NOTCH2NLA: variants seen among roughly 807,000 people sequenced by gnomAD.
NOTCH2NLA encodes the protein notch 2 N-terminal like A.
rs2691708 is a variant in NOTCH2NLA at position 146,186,857 on chromosome 1, A to C, written c.38+2443T>G. Among the ~76,000 whole-genome samples the C allele has an allele frequency of 9.0e-4, 122 of 134,860 alleles. 9 individuals carry two copies. Among genetic ancestry groups the C allele is most frequent in the Admixed American group, 3.5e-3 (45 of 12,900 alleles). 88.5% of individuals were successfully genotyped at this position (134,860 alleles called of 152,430 possible). On this transcript the variant is annotated intron_variant, in intron 2 of 4. Transcript: ENST00000362074. ...ACCACCCTGAATGCTATGTGAAATAAATAAATTTTTTTTTAATTTTGCTTT... is the reference window on the plus strand; with the variant it reads ...ACCACCCTGAATGCTATGTGAAATACATAAATTTTTTTTTAATTTTGCTTT...
intron 3 of NOTCH2NLA, among the ~76,000 whole-genome samples, chr1:146,158,198 G>A (rs1479475996): frequency 2.6e-5 from 4 of 151,010 alleles, no homozygotes; most frequent in Non-Finnish European, 4.4e-5. Flanking sequence ...TAAGTTCTAG[G>A]GTACACGTGC....
intron 2 of NOTCH2NLA, among the ~76,000 whole-genome samples, chr1:146,176,527 ATT>A (rs1662263435): frequency 8.1e-6 from 1 of 124,038 alleles, no homozygotes. Flanking sequence ...GAATTCTTAG[ATT>A]TTGACAGTAT....
intron 1 of NOTCH2NLA, among the ~76,000 whole-genome samples, chr1:146,207,825 T>C (rs113408603): frequency 1.2e-5 from 1 of 84,776 alleles, no homozygotes; most frequent in Admixed American, 1.1e-4. Context: ...CTTTTTTTTT[T>C]TTTTTTTTTT....
rs1350387855 is a variant in NOTCH2NLA at position 146,185,540 on chromosome 1, A to C, written c.38+3760T>G. 1.5e-5 allele frequency among the ~76,000 whole-genome samples: 2 copies of C among 136,906 alleles called. 1 individual carries two copies. The highest frequency in any genetic ancestry group is 1.5e-4 in the Admixed American group (2 of 13,206). 89.8% of individuals were successfully genotyped at this position (136,906 alleles called of 152,430 possible). ...TAGGCTCCTAACACTGAGAAAAAAC[A>C]GTTGAGCTGAGTACAAAACTAATCT... On this transcript the variant is annotated intron_variant, in intron 2 of 4. Transcript: ENST00000362074.
chr1:146,186,355 TC>T (rs1390230250), intron 2 of NOTCH2NLA, among the ~76,000 whole-genome samples: 1 of 72,552 alleles, frequency 1.4e-5, no homozygotes, highest in East Asian at 3.3e-4. Flanking sequence ...AGCTCCATTT[TC>T]TTTTTTTTTT....
rs3863710 is a variant in NOTCH2NLA at position 146,229,003 on chromosome 1, C to A, written c.-339G>T. 8.7e-4 allele frequency: 1,199 copies of A among 1,373,754 alleles called. No individual in the cohort carries two copies. The Admixed American group carries it at 0.028, about 32-fold the overall frequency. 85.1% of individuals were successfully genotyped at this position (1,373,754 alleles called of 1,614,324 possible). A position where few individuals can be genotyped will look rare whatever the true frequency, so the allele number is the denominator to read the frequency against. ...GCCTCAGCCGCCGCCCGAAGTTTGG[C>A]TGAAACTTTCTCGGGTGTGCAGCGA... On this transcript the variant is annotated 5_prime_UTR_variant, in exon 1 of 5. Transcript: ENST00000362074.
At chr1:146,174,617 GCTC>G (rs1358382390) in intron 2 of NOTCH2NLA, among the ~76,000 whole-genome samples, 1 of 141,942 alleles carries the variant, frequency 7.0e-6, no homozygotes, top group African/African-American at 2.5e-5. Flanking sequence ...CACTGCAGCT[GCTC>G]CTCATTAAAG....
intron 2 of NOTCH2NLA, among the ~76,000 whole-genome samples, chr1:146,180,358 TA>T (rs1366993314): frequency 7.0e-6 from 1 of 142,334 alleles, no homozygotes; most frequent in African/African-American, 2.5e-5. Flanking sequence ...ATGTCTTTCT[TA>T]GTCTTTATTT....
intron 1 of NOTCH2NLA, among the ~76,000 whole-genome samples, chr1:146,211,747 T>TAA (rs1663821589): frequency 7.0e-6 from 1 of 142,956 alleles, no homozygotes; most frequent in African/African-American, 2.5e-5. Context: ...ATCAGAAAAT[T>TAA]AAAAACGCCT....
intron 2 of NOTCH2NLA, among the ~76,000 whole-genome samples, chr1:146,183,530 GA>G (rs1380221747): frequency 1.1e-4 from 13 of 119,310 alleles, no homozygotes; most frequent in Non-Finnish European, 2.1e-4. Context: ...TCATTTTCCA[GA>G]AAAACTATAC....
intron 3 of NOTCH2NLA, among the ~76,000 whole-genome samples, chr1:146,159,472 A>T (rs1661379623): frequency 6.6e-6 from 1 of 151,606 alleles, no homozygotes; most frequent in Non-Finnish European, 1.5e-5. Flanking sequence ...AAAGGAAGGG[A>T]GAAAGAAAGA....
chr1:146,159,966 C>CAAAAAAAAAA lies in NOTCH2NLA; in HGVS notation c.299-3161_299-3152dup, dbSNP rs782308523. ...TGGATGACAAAGCAATACTCCATCT[C>CAAAAAAAAAA]AAAAAAAAAAAAAAAAAAAAAAAAA... On this transcript the variant is annotated intron_variant, in intron 3 of 4. Transcript: ENST00000362074. 2.4e-3 allele frequency among the ~76,000 whole-genome samples: 18 copies of CAAAAAAAAAA among 7,436 alleles called. 4 individuals carry two copies. The highest frequency in any genetic ancestry group is 0.013 in the Admixed American group (5 of 380). 4.9% of individuals were successfully genotyped at this position (7,436 alleles called of 152,430 possible). A position where few individuals can be genotyped will look rare whatever the true frequency, so the allele number is the denominator to read the frequency against.
chr1:146,185,477 T>A (rs1365761104), intron 2 of NOTCH2NLA, among the ~76,000 whole-genome samples: 3 of 136,918 alleles, frequency 2.2e-5, no homozygotes, highest in African/African-American at 7.4e-5. Context: ...GTTCTCCTAA[T>A]CTGGCATCAA....
At chr1:146,174,750 G>T (rs1242048277) in intron 2 of NOTCH2NLA, among the ~76,000 whole-genome samples, 2 of 143,250 alleles carry the variant, frequency 1.4e-5, no homozygotes, top group Non-Finnish European at 3.2e-5. Context: ...GTGGCAGCCT[G>T]CCCTAGCTGA....
At chr1:146,150,014 T>C in intron 4 of NOTCH2NLA, among the ~76,000 whole-genome samples, 2 of 131,650 alleles carry the variant, frequency 1.5e-5, no homozygotes, top group Non-Finnish European at 1.6e-5. Context: ...ATCCATATGA[T>C]AAAATATTAT....
chr1:146,159,523 T>C (rs1236493198), intron 3 of NOTCH2NLA, among the ~76,000 whole-genome samples: 1 of 150,646 alleles, frequency 6.6e-6, no homozygotes, highest in African/African-American at 2.4e-5. Context: ...ATATTATGTA[T>C]AGGCACTAAC....
At chr1:146,186,064 C>A (rs1479166740) in intron 2 of NOTCH2NLA, among the ~76,000 whole-genome samples, 4 of 135,264 alleles carry the variant, frequency 3.0e-5, no homozygotes, top group African/African-American at 1.0e-4. Context: ...ACGTGGCTGC[C>A]TTGATATTGT....
intron 2 of NOTCH2NLA, among the ~76,000 whole-genome samples, chr1:146,175,141 TC>T: frequency 9.2e-6 from 1 of 108,636 alleles, no homozygotes; most frequent in South Asian, 2.7e-4. Flanking sequence ...CTCACTGGTC[TC>T]CCTCCTTTCA....
At chr1:146,154,000 A>C, downstream of NOTCH2NLA, 1 of 106,240 alleles carries the variant, frequency 9.4e-6, no homozygotes, top group African/African-American at 4.1e-5. Flanking sequence ...CATCTGCACA[A>C]CGCCATACAC....
Sources: allele counts gnomAD v4.1 joint callset (sites outside exome capture counted in the v4.1 genomes callset), GRCh38; gene constraint gnomAD v4.1.1; transcripts MANE v1.5; gene names NCBI Gene and HGNC (gene_info 2026-07-23, HGNC 2026-07-21).